The following COBLL1 variants were observed in gnomAD, a reference collection of about 807,000 sequenced individuals.
COBLL1 encodes cordon-bleu protein-like 1.
Under a neutral mutation model 94.8 loss-of-function variants are expected in COBLL1, and 50 were observed. The ratio of observed to expected loss-of-function variants is 0.53; its 90% CI spans 0.42 to 0.67. The LOEUF is 0.67. COBLL1 is among the 30% of genes least tolerant of loss of function. The probability of loss-of-function intolerance (pLI) is 0.00; values close to 1 mark genes in which losing one functional copy is unlikely to be tolerated. For missense variants in COBLL1, 1,362 were observed against 1,348.7 expected, an observed-to-expected ratio of 1.01 and a Z score of -0.15; for synonymous variants, 448 against 473.8, an observed-to-expected ratio of 0.95 and a Z score of 0.71.
At chr2:164,780,623 T>C (rs1350070388) in intron 2 of COBLL1, among the ~76,000 whole-genome samples, 5 of 152,184 alleles carry the variant, frequency 3.3e-5, no homozygotes, top group African/African-American at 1.2e-4. Context: ...CTCAAAGACA[T>C]AGATGATATT....
intron 9 of COBLL1, among the ~76,000 whole-genome samples, chr2:164,702,137 T>G (rs879911901): frequency 6.6e-6 from 1 of 152,122 alleles, no homozygotes; most frequent in African/African-American, 2.4e-5. Context: ...TAAAAAATAT[T>G]TTAAAATTTA....
chr2:164,842,015 G>A (rs1301496799), upstream of COBLL1: 1 of 1,539,498 alleles, frequency 6.5e-7, no homozygotes, highest in Admixed American at 2.0e-5. Context: ...CAGCACGGCC[G>A]CACATAAGTG....
rs556036917 is a variant in COBLL1, at chr2:164,819,890, A to T, written c.41+21266T>A. 1.6e-4 allele frequency among the ~76,000 whole-genome samples: 24 copies of T among 150,666 alleles called. No individual in the cohort carries two copies. The East Asian group carries it at 3.5e-3, about 22-fold the overall frequency. On this transcript the variant is annotated intron_variant, in intron 2 of 13. Coordinates refer to ENST00000652658, the MANE Select transcript of COBLL1 (RefSeq NM_001365672.2). ...GCCCAGGCTGGAGTGCAATGGCGCC[A>T]TCTTGGTTCACTGCAACCTCTGCCC...
chr2:164,679,939 AAATAAT>A (rs535463767), downstream of COBLL1, among the ~76,000 whole-genome samples: 277 of 150,292 alleles, frequency 1.8e-3, no homozygotes, highest in African/African-American at 5.4e-3. Flanking sequence ...ATATAAATAT[AAATAAT>A]AATAATAATA....
chr2:164,690,197 G>C (rs188176594), intron 13 of COBLL1, among the ~76,000 whole-genome samples: 10 of 152,174 alleles, frequency 6.6e-5, no homozygotes, highest in African/African-American at 2.4e-4. Context: ...AACTAGAAGT[G>C]AAAAATGCTC....
chr2:164,721,650 A>G (rs1022151193), intron 7 of COBLL1, among the ~76,000 whole-genome samples: 8 of 152,232 alleles, frequency 5.3e-5, no homozygotes, highest in Non-Finnish European at 7.3e-5. Context: ...GGTCAAGAAA[A>G]TACGTGTGGT....
intron 2 of COBLL1, among the ~76,000 whole-genome samples, chr2:164,804,601 A>G (rs1459619343): frequency 6.6e-6 from 1 of 152,162 alleles, no homozygotes. Context: ...CAAAATGTTG[A>G]TACAAAGGAT....
rs557541466 is a variant in COBLL1 at position 164,779,516 on chromosome 2, G to A, written c.42-35641C>T. 1.0e-3 allele frequency: 325 copies of A among 319,650 alleles called. 2 individuals are homozygous for A. Among genetic ancestry groups the A allele is most frequent in the Admixed American group, 2.6e-3 (70 of 26,642 alleles). The allele number at this position is 319,650 out of a possible 1,614,324, so 19.8% of individuals were successfully genotyped here. ...AGAGAATTCCATGTAAGCTTCAGGAGATGCAGCATTCTTCCTCCTTGCTCT... is the reference window on the plus strand; with the variant it reads ...AGAGAATTCCATGTAAGCTTCAGGAAATGCAGCATTCTTCCTCCTTGCTCT... On this transcript the variant is annotated intron_variant, in intron 2 of 13. Transcript: ENST00000652658.
intron 2 of COBLL1, among the ~76,000 whole-genome samples, chr2:164,775,815 G>A (rs1688436512): frequency 6.6e-6 from 1 of 152,068 alleles, no homozygotes; most frequent in Non-Finnish European, 1.5e-5. Flanking sequence ...GATACCCCAA[G>A]TTGTATAATC....
intron 1 of COBLL1, among the ~76,000 whole-genome samples, chr2:164,667,429 CCATT>C (rs1200880190): frequency 6.6e-6 from 1 of 152,184 alleles, no homozygotes; most frequent in African/African-American, 2.4e-5. Flanking sequence ...AGCTTTGAAG[CCATT>C]CATTGACTTC....
chr2:164,808,278 T>A (rs1684294224), intron 2 of COBLL1, among the ~76,000 whole-genome samples: 1 of 152,220 alleles, frequency 6.6e-6, no homozygotes, highest in African/African-American at 2.4e-5. Flanking sequence ...TTTATAGTCT[T>A]TTGACTTGGT....
At chr2:164,767,693 T>C (rs1174457170) in intron 2 of COBLL1, among the ~76,000 whole-genome samples, 1 of 152,316 alleles carries the variant, frequency 6.6e-6, no homozygotes, top group Admixed American at 6.5e-5. Flanking sequence ...TATTTCATTA[T>C]TTTAGTGTCC....
chr2:164,677,748 G>A (rs143716609), downstream of COBLL1, among the ~76,000 whole-genome samples: 3 of 152,292 alleles, frequency 2.0e-5, no homozygotes, highest in Non-Finnish European at 4.4e-5. Context: ...AACCATTCAT[G>A]ATCCCCTTCC....
At chr2:164,716,460 T>C (rs895561623) in intron 7 of COBLL1, among the ~76,000 whole-genome samples, 1 of 152,158 alleles carries the variant, frequency 6.6e-6, no homozygotes, top group Non-Finnish European at 1.5e-5. Flanking sequence ...AACATTTTCA[T>C]AGAAGATGAT....
chr2:164,697,757 C>T (rs1300102175), intron 11 of COBLL1: 1 of 152,110 alleles, frequency 6.6e-6, no homozygotes, highest in Non-Finnish European at 1.5e-5. Flanking sequence ...CTCAACATTT[C>T]ATGATCATTT....
intron 1 of COBLL1, among the ~76,000 whole-genome samples, chr2:164,669,785 G>T (rs1179403285): frequency 6.6e-6 from 1 of 152,208 alleles, no homozygotes; most frequent in Non-Finnish European, 1.5e-5. Flanking sequence ...CTTTGACTCA[G>T]TTTACTCATC....
intron 2 of COBLL1, among the ~76,000 whole-genome samples, chr2:164,810,049 T>C (rs1276816859): frequency 6.6e-6 from 1 of 151,706 alleles, no homozygotes; most frequent in Non-Finnish European, 1.5e-5. Flanking sequence ...TATAATGGCA[T>C]ATGTATGAGG....
At chr2:164,807,363 G>A (rs1199940330) in intron 2 of COBLL1, among the ~76,000 whole-genome samples, 1 of 151,556 alleles carries the variant, frequency 6.6e-6, no homozygotes, top group South Asian at 2.1e-4. Flanking sequence ...ACTTGAACCC[G>A]AGAGGCAGAG....
intron 2 of COBLL1, among the ~76,000 whole-genome samples, chr2:164,755,291 C>T (rs574156810): frequency 1.3e-5 from 2 of 152,060 alleles, no homozygotes; most frequent in Non-Finnish European, 2.9e-5. Flanking sequence ...AGTGAAATAC[C>T]CCAGGGTACC....
Sources: gnomAD v4.1 joint callset for allele counts (sites outside exome capture counted in the v4.1 genomes callset) on GRCh38, gnomAD v4.1.1 for gene constraint, MANE v1.5 for transcripts, NCBI Gene and HGNC (gene_info 2026-07-23, HGNC 2026-07-21) for gene names.